The following DAB1 variants were observed in gnomAD, a reference collection of about 807,000 sequenced individuals.
DAB1 encodes the protein DAB adaptor protein 1, also known as disabled homolog 1.
In DAB1, 15 loss-of-function variants were observed where a neutral mutation model predicts 64.6. The observed-to-expected ratio is 0.23, with a 90% CI of 0.16 to 0.36. The LOEUF (loss-of-function observed/expected upper bound fraction) is 0.36, where lower values mean the gene tolerates loss of function less well. Ranked by LOEUF, DAB1 falls within the 10% of genes least tolerant of loss-of-function variation. The pLI is 1.00. For synonymous variants in DAB1, 235 were observed against 251.9 expected (o/e 0.93, Z 0.64); for missense variants, 596 against 706.7 (o/e 0.84, Z 1.78).
chr1:57,667,924 C>G (rs1646467798), intron 6 of DAB1, among the ~76,000 whole-genome samples: 2 of 152,008 alleles, frequency 1.3e-5, no homozygotes, highest in South Asian at 4.2e-4. Context: ...ATACCTCATG[C>G]ATGTGGGGCT....
At chr1:57,557,632 T>C (rs933715904) in intron 7 of DAB1, among the ~76,000 whole-genome samples, 3 of 152,086 alleles carry the variant, frequency 2.0e-5, no homozygotes, top group Non-Finnish European at 4.4e-5. Flanking sequence ...GACCCCAAAA[T>C]ACTAAGGACT....
At chr1:57,795,688 GAGATATATATAT>G (rs1650811990) in intron 6 of DAB1, among the ~76,000 whole-genome samples, 1 of 42,994 alleles carries the variant, frequency 2.3e-5, no homozygotes, top group Non-Finnish European at 3.8e-5. Flanking sequence ...ATTATGCTTG[GAGATATATATAT>G]ATATATATAT....
At chr1:57,343,232 T>C (rs916622960) in intron 1 of DAB1, among the ~76,000 whole-genome samples, 1 of 152,112 alleles carries the variant, frequency 6.6e-6, no homozygotes, top group Non-Finnish European at 1.5e-5. Flanking sequence ...TGTCAATTGG[T>C]GCATTCACAA....
At chr1:57,131,743 T>C (rs997634784) in intron 4 of DAB1, among the ~76,000 whole-genome samples, 64 of 152,188 alleles carry the variant, frequency 4.2e-4, no homozygotes, top group African/African-American at 1.5e-3. Context: ...TAAAACACAA[T>C]TATCTATCTA....
At chr1:57,544,942 G>A (rs1276566998) in intron 7 of DAB1, among the ~76,000 whole-genome samples, 1 of 152,106 alleles carries the variant, frequency 6.6e-6, no homozygotes, top group Admixed American at 6.5e-5. Context: ...CCCAGCCTTG[G>A]ACAGTTCTCT....
rs368550952 is a variant in DAB1 at position 58,504,464 on chromosome 1, T to C, written n.257+1596A>G. On this transcript the variant is annotated intron_variant and non_coding_transcript_variant, in intron 3 of 20. Coordinates refer to the DAB1 transcript ENST00000485760. The stretch of plus-strand genomic sequence containing the variant: ...CCTTCCTTGACAACCGAACATAGAC[T>C]AGTACCCCTTCTCTGCTGCCCACCC... Among the ~76,000 whole-genome samples, 15 of 152,302 alleles carry C rather than the reference T, an allele frequency of 9.8e-5. No individual in the cohort carries two copies. The East Asian group carries it at 2.3e-3, about 23-fold the overall frequency.
At chr1:57,734,346 T>C (rs1647580835) in intron 6 of DAB1, among the ~76,000 whole-genome samples, 1 of 152,206 alleles carries the variant, frequency 6.6e-6, no homozygotes, top group Non-Finnish European at 1.5e-5. Flanking sequence ...GCAAACCTCT[T>C]AAGCTCTCTG....
chr1:57,729,158 C>A (rs977894114), intron 6 of DAB1, among the ~76,000 whole-genome samples: 4 of 152,218 alleles, frequency 2.6e-5, no homozygotes, highest in Non-Finnish European at 5.9e-5. Context: ...CACGTATCCA[C>A]AGAAAATGTG....
chr1:57,994,394 T>A (rs1646394832), intron 5 of DAB1, among the ~76,000 whole-genome samples: 1 of 152,188 alleles, frequency 6.6e-6, no homozygotes, highest in Non-Finnish European at 1.5e-5. Context: ...TTCCACTTCA[T>A]TTCTGGTCTG....
chr1:58,073,319 C>T (rs561074181), intron 5 of DAB1, among the ~76,000 whole-genome samples: 1 of 152,280 alleles, frequency 6.6e-6, no homozygotes, highest in African/African-American at 2.4e-5. Flanking sequence ...TCATTTTCTC[C>T]TCAGCATCAT....
At chr1:58,106,136 C>CTTTCTTTCT (rs1218288017) in intron 5 of DAB1, among the ~76,000 whole-genome samples, 1 of 149,938 alleles carries the variant, frequency 6.7e-6, no homozygotes, top group Non-Finnish European at 1.5e-5. Flanking sequence ...TTTTCTTTCT[C>CTTTCTTTCT]TTTCTTTCTT....
chr1:57,523,974 T>C (rs1218311933), intron 7 of DAB1, among the ~76,000 whole-genome samples: 1 of 151,920 alleles, frequency 6.6e-6, no homozygotes, highest in Non-Finnish European at 1.5e-5. Context: ...AAAAATGAGT[T>C]CTATAAATGA....
chr1:58,354,029 T>C (rs1200938916), intron 3 of DAB1, among the ~76,000 whole-genome samples: 1 of 152,124 alleles, frequency 6.6e-6, no homozygotes, highest in African/African-American at 2.4e-5. Flanking sequence ...TTTCACTAAT[T>C]GAACAAATAT....
intron 2 of DAB1, among the ~76,000 whole-genome samples, chr1:57,288,139 T>C (rs1053537502): frequency 4.6e-5 from 7 of 152,168 alleles, no homozygotes; most frequent in Non-Finnish European, 8.8e-5. Flanking sequence ...CCCAGACAAA[T>C]GTATAGAGAA....
intron 7 of DAB1, among the ~76,000 whole-genome samples, chr1:57,507,315 G>T (rs1207890267): frequency 6.6e-6 from 1 of 152,114 alleles, no homozygotes; most frequent in Non-Finnish European, 1.5e-5. Flanking sequence ...TTGGATAGTT[G>T]TATTCACTCC....
intron 3 of DAB1, among the ~76,000 whole-genome samples, chr1:58,494,419 G>A (rs1426933260): frequency 1.3e-5 from 2 of 152,032 alleles, no homozygotes; most frequent in Non-Finnish European, 2.9e-5. Context: ...TTGATAAATG[G>A]GATCTAATTA....
At chr1:57,512,523 C>T (rs537412803) in intron 7 of DAB1, among the ~76,000 whole-genome samples, 1 of 152,250 alleles carries the variant, frequency 6.6e-6, no homozygotes, top group East Asian at 1.9e-4. Flanking sequence ...AAGACAATAC[C>T]AAGGTCACTG....
intron 4 of DAB1, among the ~76,000 whole-genome samples, chr1:57,086,488 C>T (rs1294795172): frequency 6.6e-6 from 1 of 152,124 alleles, no homozygotes; most frequent in Non-Finnish European, 1.5e-5. Context: ...AAGAAGCAGA[C>T]TCTCTGGTCT....
intron 5 of DAB1, among the ~76,000 whole-genome samples, chr1:57,990,914 T>C (rs1646328145): frequency 3.3e-5 from 5 of 152,254 alleles, no homozygotes; most frequent in Non-Finnish European, 5.9e-5. Context: ...CCCAGGCTGT[T>C]TGGACACCAG....
Sources: allele counts gnomAD v4.1 joint callset (sites outside exome capture counted in the v4.1 genomes callset), GRCh38; gene constraint gnomAD v4.1.1; transcripts MANE v1.5; gene names NCBI Gene and HGNC (gene_info 2026-07-23, HGNC 2026-07-21).